ZNF431: variants seen among roughly 807,000 people sequenced by gnomAD.
ZNF431 encodes zinc finger protein 431.
In ZNF431, 34 loss-of-function variants were observed where a neutral mutation model predicts 57.0. The ratio of observed to expected loss-of-function variants is 0.60; its 90% CI spans 0.45 to 0.79. The LOEUF (loss-of-function observed/expected upper bound fraction) is 0.79. ZNF431 is among the 30% of genes least tolerant of loss of function. ZNF431 has a pLI of 0.00. For missense variants in ZNF431, 607 were observed against 667.1 expected, an observed-to-expected ratio of 0.91 and a Z score of 0.99; for synonymous variants, 207 against 220.3, an observed-to-expected ratio of 0.94 and a Z score of 0.54.
At chr19:21,143,508 A>C (rs2144912133) in intron 1 of ZNF431, 43 bp from the exon 2 acceptor site, 2 of 1,489,286 alleles carry the variant, frequency 1.3e-6, no homozygotes, top group South Asian at 2.3e-5. Flanking sequence ...TGTCAGCTAA[A>C]GTGCCTAGTG....
At position 21,182,890 on chromosome 19, in the gene ZNF431, C is replaced by T. The variant is rs1357906172; in HGVS notation, c.587C>T (p.Thr196Ile). Residue 196 changes from threonine (T) to isoleucine (I), a missense_variant, in exon 5 of 5, where the codon ACA (threonine) becomes ATA (isoleucine). Thr to Ile is a moderately conservative substitution (Grantham distance 89). Transcript: ENST00000311048. ...HKFLNANRHK[T>I]RHTGKKPFKC... ...TTTTTAAATGCAAATAGACATAAGA[C>T]AAGACATACTGGAAAGAAACCTTTC... 3 of 1,613,908 alleles carry T rather than the reference C, an allele frequency of 1.9e-6. No individual in the cohort carries two copies. The highest frequency in any genetic ancestry group is 1.7e-5 in the Admixed American group (1 of 59,984).
At chr19:21,172,438 AAAAAG>A (rs1046237223) in intron 4 of ZNF431, among the ~76,000 whole-genome samples, 1 of 151,830 alleles carries the variant, frequency 6.6e-6, no homozygotes, top group African/African-American at 2.4e-5. Context: ...AAAAAAAAAA[AAAAAG>A]AAAGAAAAAG....
At chr19:21,156,936 A>G (rs1171930404) in intron 2 of ZNF431, among the ~76,000 whole-genome samples, 2 of 152,068 alleles carry the variant, frequency 1.3e-5, no homozygotes, top group Non-Finnish European at 2.9e-5. Flanking sequence ...CACCATGCCC[A>G]GCTAACTTCT....
intron 2 of ZNF431, among the ~76,000 whole-genome samples, chr19:21,159,203 G>C (rs955187252): frequency 3.9e-5 from 6 of 152,038 alleles, no homozygotes; most frequent in African/African-American, 1.4e-4. Flanking sequence ...TGTTCTCCTG[G>C]ATTTGGTTTG....
chr19:21,149,021 A>T (rs1265914934), intron 2 of ZNF431, among the ~76,000 whole-genome samples: 2 of 152,238 alleles, frequency 1.3e-5, no homozygotes, highest in Admixed American at 1.3e-4. Context: ...GAATTATTTC[A>T]TGACTTATAC....
chr19:21,149,954 A>G, intron 2 of ZNF431: 1 of 596,480 alleles, frequency 1.7e-6, no homozygotes, highest in Non-Finnish European at 3.1e-6. Context: ...AACCAGCTTG[A>G]TGGGATCCAC....
chr19:21,170,534 T>C (rs989321775), intron 4 of ZNF431, among the ~76,000 whole-genome samples: 2 of 150,768 alleles, frequency 1.3e-5, no homozygotes, highest in African/African-American at 4.9e-5. Flanking sequence ...CACTCCATAT[T>C]ACTAAGATGG....
At chr19:21,162,620 G>T in intron 2 of ZNF431, 1 of 633,826 alleles carries the variant, frequency 1.6e-6, no homozygotes, top group Non-Finnish European at 2.0e-6. Flanking sequence ...CACCCTTTTT[G>T]GAGCCCTTAT....
Position 21,166,390 on chromosome 19 carries a change from G to A in ZNF431, c.152G>A (p.Cys51Tyr), listed in dbSNP as rs770201954. Reference protein sequence around the residue: ...AIEFSLEEWECLNPAQQNLYM... With the variant: ...AIEFSLEEWEYLNPAQQNLYM... ...GAATTCTCTCTGGAGGAGTGGGAAT[G>A]CCTGAACCCTGCTCAGCAGAATTTA... Residue 51 changes from cysteine to tyrosine, a missense_variant, in exon 3 of 5, where the codon TGC becomes TAC. Coordinates refer to ENST00000311048, the MANE Select transcript of ZNF431 (RefSeq NM_133473.4). 1.2e-6 allele frequency: 2 copies of A among 1,612,196 alleles called. No homozygotes were observed. The highest frequency in any genetic ancestry group is 1.7e-6 in the Non-Finnish European group (2 of 1,179,602).
intron 2 of ZNF431, among the ~76,000 whole-genome samples, chr19:21,153,504 A>G (rs1408253167): frequency 6.6e-6 from 1 of 152,252 alleles, no homozygotes; most frequent in African/African-American, 2.4e-5. Context: ...AACACAAAGG[A>G]TGAAGAATTT....
intron 4 of ZNF431, among the ~76,000 whole-genome samples, chr19:21,171,302 T>G (rs1970881349): frequency 6.7e-6 from 1 of 150,214 alleles, no homozygotes; most frequent in Admixed American, 6.7e-5. Flanking sequence ...TAGACAATTC[T>G]TTTTTAATGG....
chr19:21,170,662 T>C (rs562783047), intron 4 of ZNF431, among the ~76,000 whole-genome samples: 32 of 151,814 alleles, frequency 2.1e-4, no homozygotes, highest in African/African-American at 5.1e-4. Context: ...TTTTCTTTTT[T>C]TTTTCTTTTC....
At position 21,175,309 on chromosome 19, in the gene ZNF431, C is replaced by T. The variant is rs542271475; in HGVS notation, c.320-7314C>T. 5.1e-5 allele frequency: 31 copies of T among 613,636 alleles called. No homozygotes were observed. In the African/African-American group the frequency reaches 5.4e-4, roughly 11 times the overall value. The allele number at this position is 613,636 out of a possible 1,614,324, so 38.0% of individuals were successfully genotyped here. A position where few individuals can be genotyped will look rare whatever the true frequency, so the allele number is the denominator to read the frequency against. The stretch of plus-strand genomic sequence containing the variant: ...GAGTTAAAGTGATCAGCTCCCTTGG[C>T]CTCCCAAAGTTCTGAGATTACATTA... On this transcript the variant is annotated intron_variant, in intron 4 of 4. Transcript: ENST00000311048.
At chr19:21,147,118 A>C (rs1301352016) in intron 2 of ZNF431, among the ~76,000 whole-genome samples, 1 of 152,172 alleles carries the variant, frequency 6.6e-6, no homozygotes. Flanking sequence ...TGAACATTCC[A>C]GTTCTCCATG....
rs938448167 is a variant in ZNF431 at position 21,194,616 on chromosome 19, C to A, written c.*10582C>A. Reference sequence around the variant, plus strand: ...CCCAAGTAGCTGGGATTACAGGTGCCCACCAGCACACCTGGCTAATTTTTA... The same window carrying A: ...CCCAAGTAGCTGGGATTACAGGTGCACACCAGCACACCTGGCTAATTTTTA... On this transcript the variant is annotated 3_prime_UTR_variant, in exon 5 of 5. Transcript: ENST00000311048. The A allele has an allele frequency of 6.6e-6, 1 of 151,850 alleles. No individual in the cohort carries two copies. Among genetic ancestry groups the A allele is most frequent in the Non-Finnish European group, 1.5e-5 (1 of 67,994 alleles). 9.4% of individuals were successfully genotyped at this position (151,850 alleles called of 1,614,324 possible). A position where few individuals can be genotyped will look rare whatever the true frequency, so the allele number is the denominator to read the frequency against.
In ZNF431 at chr19:21,191,717, TTTTTC is replaced by T. The variant is rs1240992802; in HGVS notation, c.*7686_*7690del. Reference sequence around the variant, plus strand: ...AATACATGGATATATTTCTGCTGTTTTTTTCTTCTGCTCCATTGACCTATGTCTCT... The same window carrying T: ...AATACATGGATATATTTCTGCTGTTTTTCTGCTCCATTGACCTATGTCTCT... On this transcript the variant is annotated 3_prime_UTR_variant, in exon 5 of 5. Transcript: ENST00000311048. The T allele has an allele frequency of 6.6e-6, 1 of 152,232 alleles. No individual in the cohort carries two copies. Among genetic ancestry groups the T allele is most frequent in the African/African-American group, 2.4e-5 (1 of 41,452 alleles). The allele number at this position is 152,232 out of a possible 1,614,324, so 9.4% of individuals were successfully genotyped here.
intron 4 of ZNF431, chr19:21,175,493 T>C (rs189341240): frequency 5.8e-5 from 40 of 695,046 alleles, no homozygotes; most frequent in Admixed American, 5.5e-4. Context: ...CATAAGTAAA[T>C]GTGTGCTGTG....
intron 4 of ZNF431, among the ~76,000 whole-genome samples, chr19:21,178,817 G>GTGTGT (rs772870721): frequency 2.9e-3 from 438 of 150,536 alleles, no homozygotes; most frequent in Middle Eastern, 6.8e-3. Flanking sequence ...GTGTGTGTGT[G>GTGTGT]TGTTGTTGTT....
rs982548702 is a variant in ZNF431 at position 21,189,316 on chromosome 19, C to G, written c.*5282C>G. The G allele has an allele frequency of 6.6e-6, 1 of 152,078 alleles. No homozygotes were observed. The highest frequency in any genetic ancestry group is 2.4e-5 in the African/African-American group (1 of 41,408). The allele number at this position is 152,078 out of a possible 1,614,324, so 9.4% of individuals were successfully genotyped here. A position where few individuals can be genotyped will look rare whatever the true frequency, so the allele number is the denominator to read the frequency against. On this transcript the variant is annotated 3_prime_UTR_variant, in exon 5 of 5. Transcript: ENST00000311048. ...CCTGGCGACCATGGGGAAACCCTGT[C>G]TCTACTAAAAATACAAAATAAGCAG...
Sources: gnomAD v4.1 joint callset for allele counts (sites outside exome capture counted in the v4.1 genomes callset) on GRCh38, gnomAD v4.1.1 for gene constraint, MANE v1.5 for transcripts, NCBI Gene and HGNC (gene_info 2026-07-23, HGNC 2026-07-21) for gene names.